PIGK: variants seen among roughly 807,000 people sequenced by gnomAD.
PIGK encodes GPI-anchor transamidase.
A neutral mutation model predicts 50.6 loss-of-function variants in PIGK; 42 were observed. That is an observed-to-expected ratio of 0.83 (90% CI 0.65 to 1.07). PIGK has a LOEUF of 1.07. PIGK is among the 50% of genes least tolerant of loss of function. The pLI is 0.00. For synonymous variants in PIGK, 151 were observed against 156.0 expected, an observed-to-expected ratio of 0.97 and a Z score of 0.24; for missense variants, 448 against 488.7, an observed-to-expected ratio of 0.92 and a Z score of 0.78.
At chr1:77,107,062 G>A (rs897430938) in intron 10 of PIGK, among the ~76,000 whole-genome samples, 2 of 151,928 alleles carry the variant, frequency 1.3e-5, no homozygotes, top group Non-Finnish European at 2.9e-5. Context: ...TTGAATTTTC[G>A]AAGGGTTTTT....
chr1:77,157,289 T>C (rs1222192798), intron 8 of PIGK, among the ~76,000 whole-genome samples: 1 of 152,134 alleles, frequency 6.6e-6, no homozygotes, highest in Non-Finnish European at 1.5e-5. Flanking sequence ...TCATTCTTAT[T>C]GAATAAGATT....
intron 1 of PIGK, among the ~76,000 whole-genome samples, chr1:77,214,675 A>G (rs1322478923): frequency 6.6e-6 from 1 of 152,184 alleles, no homozygotes; most frequent in East Asian, 1.9e-4. Context: ...AGAAAGAAAT[A>G]AAAGGCATCC....
rs113248312 is a variant in PIGK, at chr1:77,154,250, G to A, written c.986+199C>T. ...TTTGGAGCTCCAACATAATCCTAAC[G>A]ATGATCTTAGTTTCCACTAATATTG... On this transcript the variant is annotated intron_variant, in intron 9 of 10. Coordinates refer to ENST00000370812, the MANE Select transcript of PIGK (RefSeq NM_005482.3). 7.8e-3 allele frequency: 4,279 copies of A among 545,576 alleles called. 19 individuals are homozygous for A. Among genetic ancestry groups the A allele is most frequent in the Middle Eastern group, 0.012 (25 of 2,134 alleles). The allele number at this position is 545,576 out of a possible 1,614,324, so 33.8% of individuals were successfully genotyped here. A position where few individuals can be genotyped will look rare whatever the true frequency, so the allele number is the denominator to read the frequency against.
chr1:77,139,568 GT>G (rs1654598148), intron 9 of PIGK, among the ~76,000 whole-genome samples: 1 of 152,158 alleles, frequency 6.6e-6, no homozygotes, highest in South Asian at 2.1e-4. Flanking sequence ...GAAGCTGCAT[GT>G]TTAGAACACC....
At chr1:77,101,322 C>T (rs1469960529) in intron 10 of PIGK, among the ~76,000 whole-genome samples, 2 of 152,110 alleles carry the variant, frequency 1.3e-5, no homozygotes, top group East Asian at 3.9e-4. Context: ...CTAAGACCTA[C>T]CTCAAATTTC....
chr1:77,110,164 T>C (rs1653802976), intron 10 of PIGK, among the ~76,000 whole-genome samples: 1 of 152,082 alleles, frequency 6.6e-6, no homozygotes, highest in Non-Finnish European at 1.5e-5. Context: ...AGAATCAATA[T>C]CGAGAAAATG....
At position 77,092,425 on chromosome 1, in the gene PIGK, G is replaced by A. The variant is rs780308363; in HGVS notation, c.1137C>T (p.Ile379=). The change falls in exon 11 of 11, where the codon ATC becomes ATT. Residue 379 remains isoleucine, a synonymous_variant. Coordinates refer to ENST00000370812, the MANE Select transcript of PIGK (RefSeq NM_005482.3). ...TTCCATAAGTTTTGAAGAAAACCAT[G>A]ATAATAAGTGCCCATAATCCCAGAA... ...GFILGLWALI[I]MVFFKTYGIK... 3.7e-6 allele frequency: 6 copies of A among 1,606,568 alleles called. No individual in the cohort carries two copies. The highest frequency in any genetic ancestry group is 1.1e-5 in the South Asian group (1 of 89,536).
At chr1:77,201,158 A>G (rs1352007214) in intron 3 of PIGK, among the ~76,000 whole-genome samples, 1 of 152,220 alleles carries the variant, frequency 6.6e-6, no homozygotes, top group African/African-American at 2.4e-5. Context: ...TGATTTAAAA[A>G]ACAACAATAA....
At position 77,195,434 on chromosome 1, in the gene PIGK, G is replaced by C. The variant is rs1373590281; in HGVS notation, c.239+11206C>G. ...AGGGTGCTCACTTCCTGTTTCCACA[G>C]GAATCTTTTGGTCAATAAAATAGTT... On this transcript the variant is annotated intron_variant, in intron 3 of 10. Transcript: ENST00000370812. 3 of 974,218 alleles carry C rather than the reference G, an allele frequency of 3.1e-6. No individual in the cohort carries two copies. In the Admixed American group the frequency reaches 7.3e-5, roughly 24 times the overall value. The allele number at this position is 974,218 out of a possible 1,614,324, so 60.3% of individuals were successfully genotyped here. A position where few individuals can be genotyped will look rare whatever the true frequency, so the allele number is the denominator to read the frequency against.
intron 3 of PIGK, chr1:77,195,485 A>C: frequency 1.3e-6 from 1 of 770,044 alleles, no homozygotes; most frequent in Non-Finnish European, 2.0e-6. Flanking sequence ...GAAAAGAATG[A>C]CTATTAAAAT....
rs149843023 is a variant in PIGK, at chr1:77,156,888, C to T, written c.814-2267G>A. Among the ~76,000 whole-genome samples, 300 of 152,204 alleles carry T rather than the reference C, an allele frequency of 2.0e-3. 2 individuals are homozygous for T. The highest frequency in any genetic ancestry group is 6.8e-3 in the African/African-American group (284 of 41,542). On this transcript the variant is annotated intron_variant, in intron 8 of 10. Coordinates refer to ENST00000370812, the MANE Select transcript of PIGK (RefSeq NM_005482.3). ...AGATGAATATAACATGGTCCTTACA[C>T]CTCGCATTCAAGAAGCTCAAAGCCT...
At chr1:77,130,550 ATGT>A (rs1201327979) in intron 9 of PIGK, among the ~76,000 whole-genome samples, 1 of 152,068 alleles carries the variant, frequency 6.6e-6, no homozygotes, top group Non-Finnish European at 1.5e-5. Context: ...GCTTTATAAT[ATGT>A]TGTATATTTA....
chr1:77,207,935 A>C (rs1050067589), intron 2 of PIGK, among the ~76,000 whole-genome samples: 1 of 152,208 alleles, frequency 6.6e-6, no homozygotes, highest in Non-Finnish European at 1.5e-5. Flanking sequence ...ATATCATAAA[A>C]TTCTAGCTGG....
At chr1:77,152,862 TA>T (rs1008912392) in intron 9 of PIGK, among the ~76,000 whole-genome samples, 1 of 151,604 alleles carries the variant, frequency 6.6e-6, no homozygotes, top group Admixed American at 6.6e-5. Context: ...GACCAAAAAA[TA>T]ACAAATGCTG....
chr1:77,182,045 A>G (rs1376261142), intron 3 of PIGK, among the ~76,000 whole-genome samples: 1 of 152,230 alleles, frequency 6.6e-6, no homozygotes, highest in Non-Finnish European at 1.5e-5. Context: ...CTGTACTCAT[A>G]TTATCAGAAA....
chr1:77,159,548 A>AC, intron 8 of PIGK, among the ~76,000 whole-genome samples: 1 of 152,308 alleles, frequency 6.6e-6, no homozygotes, highest in East Asian at 1.9e-4. Context: ...GTAAAAGCAA[A>AC]CAGGATGGGG....
chr1:77,163,818 T>G (rs1161077912), intron 6 of PIGK, 28 bp downstream of exon 6: 1 of 1,271,528 alleles, frequency 7.9e-7, no homozygotes, highest in Non-Finnish European at 1.1e-6. Context: ...TGAATATAGC[T>G]TATGAAAAGA....
At chr1:77,194,137 C>A (rs1209592146) in intron 3 of PIGK, among the ~76,000 whole-genome samples, 2 of 152,132 alleles carry the variant, frequency 1.3e-5, no homozygotes, top group Non-Finnish European at 2.9e-5. Context: ...AGTAAGATAC[C>A]ATCTCATGCC....
chr1:77,137,227 T>C (rs1052113527), intron 9 of PIGK, among the ~76,000 whole-genome samples: 10 of 152,084 alleles, frequency 6.6e-5, no homozygotes, highest in Non-Finnish European at 4.4e-5. Context: ...AAATGTGAGA[T>C]AGTATAGCCA....
Sources: allele counts gnomAD v4.1 joint callset (sites outside exome capture counted in the v4.1 genomes callset), GRCh38; gene constraint gnomAD v4.1.1; transcripts MANE v1.5; gene names NCBI Gene and HGNC (gene_info 2026-07-23, HGNC 2026-07-21).